Variants in CLASP2 observed in about 807,000 individuals in gnomAD.
The protein encoded by CLASP2 is cytoplasmic linker associated protein 2, also known as CLIP-associating protein 2.
In CLASP2, 47 loss-of-function variants were observed where a neutral mutation model predicts 194.4. That is an observed-to-expected ratio of 0.24 (90% CI 0.19 to 0.31). The LOEUF is 0.31. Among genes scored for constraint, CLASP2 ranks in the 10% least tolerant of loss-of-function variants. The pLI is 1.00. For synonymous variants in CLASP2, 619 were observed against 633.5 expected, an observed-to-expected ratio of 0.98 and a Z score of 0.34; for missense variants, 1,445 against 1,823.6, an observed-to-expected ratio of 0.79 and a Z score of 3.78.
chr3:33,713,796 G>C (rs2093154840), intron 1 of CLASP2, among the ~76,000 whole-genome samples: 1 of 152,068 alleles, frequency 6.6e-6, no homozygotes, highest in Non-Finnish European at 1.5e-5. Flanking sequence ...TTTTGGTAGA[G>C]ATGAGGTCTC....
intron 34 of CLASP2, among the ~76,000 whole-genome samples, chr3:33,524,677 TAATC>T (rs201749314): frequency 0.018 from 2,666 of 151,872 alleles, 72 homozygotes; most frequent in African/African-American, 0.061. Flanking sequence ...AAAATAATAA[TAATC>T]AGACAAAATA....
At chr3:33,707,617 C>G (rs922064660) in intron 1 of CLASP2, among the ~76,000 whole-genome samples, 1 of 152,170 alleles carries the variant, frequency 6.6e-6, no homozygotes, top group Non-Finnish European at 1.5e-5. Flanking sequence ...CCTTCCATAT[C>G]TCATGTGTCT....
chr3:33,706,620 A>T (rs1427033765), intron 1 of CLASP2, among the ~76,000 whole-genome samples: 1 of 152,196 alleles, frequency 6.6e-6, no homozygotes, highest in African/African-American at 2.4e-5. Flanking sequence ...CTTAAATCTG[A>T]ATTAGAAATA....
chr3:33,657,579 T>C (rs1034111238), intron 7 of CLASP2, among the ~76,000 whole-genome samples: 1 of 151,806 alleles, frequency 6.6e-6, no homozygotes, highest in Admixed American at 6.6e-5. Flanking sequence ...TATCTACAAA[T>C]TAGGTTTGGT....
intron 30 of CLASP2, chr3:33,545,081 G>C (rs1468436264): frequency 3.3e-6 from 1 of 300,418 alleles, no homozygotes; most frequent in East Asian, 5.7e-5. Flanking sequence ...TGACCTAACA[G>C]ACAATGGAAA....
At chr3:33,631,475 C>CAA (rs1368767654) in intron 9 of CLASP2, among the ~76,000 whole-genome samples, 1 of 152,134 alleles carries the variant, frequency 6.6e-6, no homozygotes, top group African/African-American at 2.4e-5. Flanking sequence ...GTGGGTGGAT[C>CAA]ACTTGAGGTG....
intron 6 of CLASP2, among the ~76,000 whole-genome samples, chr3:33,677,227 T>C (rs1044415317): frequency 7.9e-5 from 12 of 152,212 alleles, no homozygotes; most frequent in African/African-American, 2.9e-4. Flanking sequence ...GGACTATAAA[T>C]CATGCTGCTA....
At chr3:33,658,743 T>TA (rs1346929429) in intron 7 of CLASP2, among the ~76,000 whole-genome samples, 1 of 151,786 alleles carries the variant, frequency 6.6e-6, no homozygotes, top group Non-Finnish European at 1.5e-5. Context: ...GGTTGCAAGG[T>TA]AAATTGTCAC....
chr3:33,698,300 T>C (rs1046939129), intron 1 of CLASP2, among the ~76,000 whole-genome samples: 4 of 152,174 alleles, frequency 2.6e-5, no homozygotes, highest in Non-Finnish European at 2.9e-5. Context: ...AAAAGCCTTC[T>C]ACCCCAGAGG....
chr3:33,666,811 T>C lies in CLASP2; in HGVS notation c.645-3296A>G, dbSNP rs142717828. The stretch of plus-strand genomic sequence containing the variant: ...TGTTTCCAAAGTTGCTGCACCATTT[T>C]ACATTCCCAATGGCAATGTATGAGG... On this transcript the variant is annotated intron_variant, in intron 6 of 38. Coordinates refer to ENST00000682230, the MANE Select transcript of CLASP2 (RefSeq NM_001365631.1). 1.2e-3 allele frequency among the ~76,000 whole-genome samples: 177 copies of C among 152,346 alleles called. 1 individual carries two copies. The highest frequency in any genetic ancestry group is 3.6e-3 in the African/African-American group (148 of 41,578).
intron 18 of CLASP2, among the ~76,000 whole-genome samples, chr3:33,601,150 C>T (rs556652512): frequency 2.6e-5 from 4 of 151,932 alleles, no homozygotes; most frequent in East Asian, 3.9e-4. Context: ...TTAGTAGAGA[C>T]GGTGTTTCAC....
At chr3:33,559,742 A>C (rs745410593) in intron 28 of CLASP2, among the ~76,000 whole-genome samples, 14 of 152,110 alleles carry the variant, frequency 9.2e-5, no homozygotes, top group Non-Finnish European at 2.1e-4. Flanking sequence ...TAAAAATACA[A>C]AATTAGCCAG....
chr3:33,663,374 T>C (rs1422615934), intron 7 of CLASP2, 71 bp downstream of exon 7: 1 of 1,122,216 alleles, frequency 8.9e-7, no homozygotes, highest in Non-Finnish European at 1.3e-6. Flanking sequence ...ATCAGTGATA[T>C]ATAATACATT....
intron 11 of CLASP2, among the ~76,000 whole-genome samples, chr3:33,620,154 TACTC>T (rs551120166): frequency 6.6e-6 from 1 of 152,234 alleles, no homozygotes; most frequent in Non-Finnish European, 1.5e-5. Flanking sequence ...TTCAAAATCT[TACTC>T]AAATCAATGC....
intron 1 of CLASP2, among the ~76,000 whole-genome samples, chr3:33,707,712 G>T (rs1376794846): frequency 6.6e-6 from 1 of 151,978 alleles, no homozygotes; most frequent in Non-Finnish European, 1.5e-5. Context: ...TTAAGTTTTA[G>T]ATCTAACTAA....
At chr3:33,715,481 A>G (rs1011075112) in intron 1 of CLASP2, among the ~76,000 whole-genome samples, 1 of 151,920 alleles carries the variant, frequency 6.6e-6, no homozygotes, top group Non-Finnish European at 1.5e-5. Flanking sequence ...TCCTCCTACT[A>G]GAATCTAAGT....
chr3:33,693,058 TA>T lies in CLASP2; in HGVS notation c.275-3127del, dbSNP rs149435888. Among the ~76,000 whole-genome samples the T allele has an allele frequency of 3.4e-3, 513 of 152,270 alleles. 3 individuals carry two copies. Among genetic ancestry groups the T allele is most frequent in the African/African-American group, 0.011 (462 of 41,566 alleles). The stretch of plus-strand genomic sequence containing the variant: ...ATGAGATCCTTTACTGAATCAGTTA[TA>T]AAACCAGGGCTGGTGATCAATATTA... On this transcript the variant is annotated intron_variant, in intron 2 of 38. Transcript: ENST00000682230.
intron 37 of CLASP2, among the ~76,000 whole-genome samples, chr3:33,508,784 A>C (rs2048989534): frequency 1.3e-5 from 2 of 152,202 alleles, no homozygotes; most frequent in South Asian, 4.1e-4. Context: ...TTTGGGAATA[A>C]CCAATAATCT....
chr3:33,519,478 G>C (rs538189111), intron 34 of CLASP2, among the ~76,000 whole-genome samples: 13 of 152,058 alleles, frequency 8.5e-5, no homozygotes, highest in African/African-American at 2.9e-4. Flanking sequence ...CTAAATTTTA[G>C]ATTTTAAAAA....
Sources: allele counts gnomAD v4.1 joint callset (sites outside exome capture counted in the v4.1 genomes callset), GRCh38; gene constraint gnomAD v4.1.1; transcripts MANE v1.5; gene names NCBI Gene and HGNC (gene_info 2026-07-23, HGNC 2026-07-21).